SF3B1: variants seen among roughly 807,000 people sequenced by gnomAD.
The protein encoded by SF3B1 is splicing factor 3b subunit 1.
A neutral mutation model predicts 153.8 loss-of-function variants in SF3B1; 12 were observed. The observed-to-expected ratio is 0.08, with a 90% CI of 0.05 to 0.13. The LOEUF is 0.13. Among genes scored for constraint, SF3B1 ranks in the 10% least tolerant of loss-of-function variants. SF3B1 has a pLI of 1.00. For synonymous variants in SF3B1, 498 were observed against 525.2 expected, an observed-to-expected ratio of 0.95 and a Z score of 0.71; for missense variants, 513 against 1,606.1, an observed-to-expected ratio of 0.32 and a Z score of 11.63.
intron 1 of SF3B1, 152 bp downstream of exon 1, chr2:197,434,820 T>G: frequency 2.6e-6 from 2 of 777,106 alleles, no homozygotes; most frequent in Non-Finnish European, 4.3e-6. Context: ...GGCAGTGGCC[T>G]GCGCCGCTGG....
chr2:197,432,724 G>A (rs1165129972), intron 1 of SF3B1, among the ~76,000 whole-genome samples: 3 of 152,258 alleles, frequency 2.0e-5, no homozygotes, highest in South Asian at 2.1e-4. Context: ...AAAATTAGTC[G>A]GGTGTGGTGG....
chr2:197,402,051 A>G lies in SF3B1; in HGVS notation c.2157T>C (p.Tyr719=), dbSNP rs2105985281. The G allele has an allele frequency of 3.7e-6, 6 of 1,613,838 alleles. No individual in the cohort carries two copies. The highest frequency in any genetic ancestry group is 3.3e-4 in the Middle Eastern group (2 of 6,062). Residue 719 remains tyrosine (Y), a synonymous_variant, in exon 15 of 25, where the codon TAT becomes TAC. Transcript: ENST00000335508. The surrounding 1 kb of genome is among the most constrained non-coding windows in gnomAD (Gnocchi z 4.6). ...ACACAGAATCAAAAGATTCGATACC[A>G]TAAGGAGTTGCTGCTTCAGCCAAGG... ...IAALAEAATP[Y]GIESFDSVLK...
intron 1 of SF3B1, among the ~76,000 whole-genome samples, chr2:197,425,318 T>C (rs2085316457): frequency 6.6e-6 from 1 of 151,554 alleles, no homozygotes; most frequent in South Asian, 2.1e-4. Context: ...ATACAAAAAT[T>C]AGCCGGGCAT....
intron 1 of SF3B1, among the ~76,000 whole-genome samples, chr2:197,431,841 C>T (rs2085442710): frequency 6.6e-6 from 1 of 151,998 alleles, no homozygotes; most frequent in African/African-American, 2.4e-5. Context: ...AAAAAAATTT[C>T]AAGGCCAGGC....
chr2:197,409,653 C>A (rs2085039981), intron 7 of SF3B1, 117 bp downstream of exon 7: 1 of 806,024 alleles, frequency 1.2e-6, no homozygotes, highest in East Asian at 2.4e-5. Flanking sequence ...CTTAATCTGT[C>A]CCCCAAAAGC....
At chr2:197,408,179 T>C (rs996161457) in intron 8 of SF3B1, 60 bp from the exon 9 acceptor site, 11 of 1,461,582 alleles carry the variant, frequency 7.5e-6, no homozygotes, top group Admixed American at 3.7e-5. Context: ...ATTACATACA[T>C]TGAGATAAAA....
In SF3B1 at chr2:197,435,010, C is replaced by A; in HGVS notation, c.-11G>T. 6.2e-7 allele frequency: 1 copy of A among 1,614,274 alleles called. No homozygotes were observed. Among genetic ancestry groups the A allele is most frequent in the Non-Finnish European group, 8.5e-7 (1 of 1,180,038 alleles). On this transcript the variant is annotated 5_prime_UTR_variant, in exon 1 of 25. Coordinates refer to ENST00000335508, the MANE Select transcript of SF3B1 (RefSeq NM_012433.4). The stretch of plus-strand genomic sequence containing the variant: ...GGCGATCTTCGCCATTTTGTCCACT[C>A]GAACACACAGACGGAACTGGCGCTC...
Position 197,409,627 on chromosome 2 carries a change from T to TA in SF3B1, c.904+142dup. 1.3e-5 allele frequency: 9 copies of TA among 718,266 alleles called. No individual in the cohort carries two copies. The Middle Eastern group carries it at 7.4e-4, about 59-fold the overall frequency. 44.5% of individuals were successfully genotyped at this position (718,266 alleles called of 1,614,324 possible). A position where few individuals can be genotyped will look rare whatever the true frequency, so the allele number is the denominator to read the frequency against. On this transcript the variant is annotated intron_variant, in intron 7 of 24. Transcript: ENST00000335508. ...TTCAAGAAGTGGAAAAAATTAGGCA[T>TA]ATGAACTGTTCTATTCTTAATCTGT...
chr2:197,406,081 T>A (rs1383183401), intron 9 of SF3B1, among the ~76,000 whole-genome samples: 3 of 132,184 alleles, frequency 2.3e-5, no homozygotes, highest in East Asian at 2.1e-4. Context: ...CACAAAGAAA[T>A]TTTTTTTTTT....
At chr2:197,398,692 G>A in intron 20 of SF3B1, 111 bp from the exon 21 acceptor site, 1 of 1,012,164 alleles carries the variant, frequency 9.9e-7, no homozygotes, top group Non-Finnish European at 1.4e-6. Flanking sequence ...ACTTACAGCT[G>A]CCTAGGGAAA....
chr2:197,401,049 G>A lies in SF3B1; in HGVS notation c.2497-113C>T. The A allele has an allele frequency of 1.5e-6, 1 of 668,746 alleles. No individual in the cohort carries two copies. 41.4% of individuals were successfully genotyped at this position (668,746 alleles called of 1,614,324 possible). ...ACTACTTATTTAGCTAATAAACATGGTAAGAATGATTCATTGCTACTTATT... is the reference window on the plus strand; with the variant it reads ...ACTACTTATTTAGCTAATAAACATGATAAGAATGATTCATTGCTACTTATT... On this transcript the variant is annotated intron_variant, in intron 17 of 24. Transcript: ENST00000335508. This position sits in a 1 kb window ranked among gnomAD's most constrained non-coding sequence, Gnocchi z 4.2.
chr2:197,434,963 ACCG>A lies in SF3B1; in HGVS notation c.28+6_28+8del. ...GAAGAAAACACGTAAGCAGGGAAAG[ACCG>A]CTTACCTTCGTGAGTCTTGGCGATC... On this transcript the variant is annotated splice_donor_region_variant and intron_variant, in intron 1 of 24. Coordinates refer to ENST00000335508, the MANE Select transcript of SF3B1 (RefSeq NM_012433.4). 1 of 1,613,584 alleles carries A rather than the reference ACCG, an allele frequency of 6.2e-7. No homozygotes were observed. The highest frequency in any genetic ancestry group is 1.1e-5 in the South Asian group (1 of 91,080).
rs371654460 is a variant in SF3B1, at chr2:197,402,847, G to A, written c.1807-21C>T. On this transcript the variant is annotated intron_variant, in intron 13 of 24. Coordinates refer to ENST00000335508, the MANE Select transcript of SF3B1 (RefSeq NM_012433.4). The surrounding 1 kb of genome is among the most constrained non-coding windows in gnomAD (Gnocchi z 4.6). ...GCAGCCTAAAATGTAAACAAAGAAAGGACAGTCATGAGTTGGTAATATTAA... is the reference window on the plus strand; with the variant it reads ...GCAGCCTAAAATGTAAACAAAGAAAAGACAGTCATGAGTTGGTAATATTAA... The A allele has an allele frequency of 1.2e-6, 2 of 1,612,062 alleles. No individual in the cohort carries two copies. Among genetic ancestry groups the A allele is most frequent in the Non-Finnish European group, 1.7e-6 (2 of 1,178,636 alleles).
At chr2:197,430,844 C>A (rs2085417616) in intron 1 of SF3B1, among the ~76,000 whole-genome samples, 1 of 152,152 alleles carries the variant, frequency 6.6e-6, no homozygotes. Flanking sequence ...GTTGCCCAGG[C>A]TGGAGTATAG....
chr2:197,409,112 G>C (rs1002387703), intron 7 of SF3B1, among the ~76,000 whole-genome samples: 1 of 151,916 alleles, frequency 6.6e-6, no homozygotes, highest in Non-Finnish European at 1.5e-5. Context: ...TTAAAAATTA[G>C]CCAGGGGCCG....
rs770455229 is a variant in SF3B1, at chr2:197,400,480, C to T, written c.2719-46G>A. On this transcript the variant is annotated intron_variant, in intron 18 of 24. Transcript: ENST00000335508. The surrounding 1 kb of genome is among the most constrained non-coding windows in gnomAD (Gnocchi z 5.0). ...AAAGACATATTCATTTGGTTTATGA[C>T]TGCACAGTTGAAATACACTAAGAGT... The T allele has an allele frequency of 6.7e-7, 1 of 1,497,292 alleles. No individual in the cohort carries two copies. 92.8% of individuals were successfully genotyped at this position (1,497,292 alleles called of 1,614,324 possible).
At chr2:197,404,409 G>A (rs762585762) in intron 11 of SF3B1, among the ~76,000 whole-genome samples, 3 of 152,056 alleles carry the variant, frequency 2.0e-5, no homozygotes, top group Non-Finnish European at 4.4e-5. Flanking sequence ...GTGAAACCCC[G>A]TTTCTACTAA....
chr2:197,417,622 C>T (rs998980783), intron 5 of SF3B1, among the ~76,000 whole-genome samples: 23 of 149,654 alleles, frequency 1.5e-4, no homozygotes, highest in Admixed American at 4.0e-4. Context: ...CCAGGCATGG[C>T]GGTGCACACC....
In SF3B1 at chr2:197,401,789, G is replaced by C. The variant is rs2105984290; in HGVS notation, c.2323C>G (p.Arg775Gly). The C allele has an allele frequency of 6.2e-7, 1 of 1,611,006 alleles. No individual in the cohort carries two copies. The highest frequency in any genetic ancestry group is 8.5e-7 in the Non-Finnish European group (1 of 1,179,030). The change falls in exon 16 of 25, where the codon CGA (arginine) becomes GGA (glycine). Residue 775 changes from arginine to glycine, a missense_variant. Arg to Gly is a moderately radical substitution (Grantham distance 125, BLOSUM62 -2). Transcript: ENST00000335508. This position sits in a 1 kb window ranked among gnomAD's most constrained non-coding sequence, Gnocchi z 4.2. Reference protein sequence around the residue: ...YTREVMLILIREFQSPDEEMK... With the variant: ...YTREVMLILIGEFQSPDEEMK... ...TCCTCATCAGGAGACTGGAATTCTCGAATAAGGATTAACATCACTTCTCTA... is the reference window on the plus strand; with the variant it reads ...TCCTCATCAGGAGACTGGAATTCTCCAATAAGGATTAACATCACTTCTCTA...
Sources: allele counts gnomAD v4.1 joint callset (sites outside exome capture counted in the v4.1 genomes callset), GRCh38; gene constraint gnomAD v4.1.1; non-coding constraint Gnocchi (gnomAD v3.1); transcripts MANE v1.5; gene names NCBI Gene and HGNC (gene_info 2026-07-23, HGNC 2026-07-21).